CERS3: variants seen among roughly 807,000 people sequenced by gnomAD.
CERS3 encodes ceramide synthase 3, also known as LAG1 homolog, ceramide synthase 3.
CERS3 carries 33 observed loss-of-function variants against 50.3 expected under a neutral mutation model. That is an observed-to-expected ratio of 0.66 (90% confidence interval 0.50 to 0.88). The LOEUF (loss-of-function observed/expected upper bound fraction) is 0.88. Ranked by LOEUF, CERS3 falls within the 40% of genes least tolerant of loss-of-function variation. CERS3 has a pLI of 0.00. For missense variants in CERS3, 470 were observed against 460.3 expected, an observed-to-expected ratio of 1.02 and a Z score of -0.19; for synonymous variants, 176 against 155.2, an observed-to-expected ratio of 1.13 and a Z score of -0.99.
intron 11 of CERS3, among the ~76,000 whole-genome samples, chr15:100,454,806 C>A (rs1304459176): frequency 6.6e-6 from 1 of 152,022 alleles, no homozygotes; most frequent in African/African-American, 2.4e-5. Flanking sequence ...AAAATATTTG[C>A]AAATCCTTCA....
intron 11 of CERS3, among the ~76,000 whole-genome samples, chr15:100,430,730 C>CAG (rs10668274): frequency 0.27 from 41,779 of 152,052 alleles, 5,905 homozygotes; most frequent in East Asian, 0.42. Context: ...TACATTCAGT[C>CAG]AGTTCAATTT....
At chr15:100,465,890 C>T (rs2034698529) in intron 10 of CERS3, among the ~76,000 whole-genome samples, 1 of 152,094 alleles carries the variant, frequency 6.6e-6, no homozygotes, top group Non-Finnish European at 1.5e-5. Context: ...AACTCCTGAC[C>T]TCAGGTGATC....
chr15:100,402,757 T>C lies in CERS3; in HGVS notation c.1108A>G (p.Arg370Gly), dbSNP rs2439928. ...KEMDCLKNGL[R>G]AERHLIPNGQ... is the part of the protein sequence containing the mutation. ...TTGGGAATGAGGTGCCTCTCAGCCC[T>C]GAGGCCGTTCTTTAAACAATCCATC... Residue 370 changes from arginine to glycine, a missense_variant, in exon 12 of 12, where the codon AGG becomes GGG. Physicochemically the swap from Arg to Gly is moderately radical, Grantham distance 125 (BLOSUM62 -2). Coordinates refer to ENST00000679737, the MANE Select transcript of CERS3 (RefSeq NM_001378789.1). The C allele has an allele frequency of 1, 1,610,395 of 1,614,150 alleles. 803,394 individuals are homozygous for C. The highest frequency in any genetic ancestry group is 1 in the Non-Finnish European group (1,179,942 of 1,180,036).
In CERS3 at chr15:100,465,541, G is replaced by A. The variant is rs966668477; in HGVS notation, c.845+3837C>T. 2.0e-5 allele frequency among the ~76,000 whole-genome samples: 3 copies of A among 152,100 alleles called. No individual in the cohort carries two copies. In the South Asian group the frequency reaches 6.2e-4, roughly 32 times the overall value. On this transcript the variant is annotated intron_variant, in intron 10 of 11. Coordinates refer to ENST00000679737, the MANE Select transcript of CERS3 (RefSeq NM_001378789.1). ...CTTCCTTCAGAGACCATTGAAAATT[G>A]ATCTGCCAAACTTCCAATGGCTTGG...
chr15:100,417,455 T>C (rs1184733038), intron 11 of CERS3, among the ~76,000 whole-genome samples: 2 of 151,980 alleles, frequency 1.3e-5, no homozygotes, highest in Non-Finnish European at 2.9e-5. Flanking sequence ...CGCTGATTGC[T>C]AGCACAGCAG....
intron 11 of CERS3, among the ~76,000 whole-genome samples, chr15:100,449,645 A>T (rs910042197): frequency 6.6e-6 from 1 of 152,090 alleles, no homozygotes; most frequent in Non-Finnish European, 1.5e-5. Context: ...GTTTATAGCC[A>T]AAAAAAATCA....
At chr15:100,484,694 G>C (rs536411600) in intron 4 of CERS3, 26 bp from the exon 5 acceptor site, 1 of 1,494,464 alleles carries the variant, frequency 6.7e-7, no homozygotes, top group South Asian at 1.1e-5. Flanking sequence ...ACGCATAAAT[G>C]AGTGATAAAG....
At chr15:100,409,576 TC>T (rs2031317337) in intron 11 of CERS3, among the ~76,000 whole-genome samples, 1 of 152,194 alleles carries the variant, frequency 6.6e-6, no homozygotes, top group East Asian at 1.9e-4. Flanking sequence ...GAACAAGGCA[TC>T]TACGTACTCA....
At chr15:100,457,880 T>C (rs7171529) in intron 10 of CERS3, among the ~76,000 whole-genome samples, 7,560 of 152,332 alleles carry the variant, frequency 0.05, 343 homozygotes, top group African/African-American at 0.12. Flanking sequence ...TGAGATTTTA[T>C]GTTCAATTAC....
At chr15:100,454,201 G>A (rs945422567) in intron 11 of CERS3, among the ~76,000 whole-genome samples, 4 of 152,026 alleles carry the variant, frequency 2.6e-5, no homozygotes, top group Admixed American at 6.6e-5. Context: ...GACCATCCTG[G>A]AAAACATAGA....
intron 4 of CERS3, among the ~76,000 whole-genome samples, chr15:100,485,874 A>G (rs2035469489): frequency 6.6e-6 from 1 of 151,980 alleles, no homozygotes; most frequent in African/African-American, 2.4e-5. Context: ...TAAATAAATA[A>G]ATACATAAAT....
chr15:100,420,349 T>G (rs1269797548), intron 11 of CERS3, among the ~76,000 whole-genome samples: 1 of 152,132 alleles, frequency 6.6e-6, no homozygotes, highest in Non-Finnish European at 1.5e-5. Flanking sequence ...GATAAATTCC[T>G]GGACACATAA....
rs546008809 is a variant in CERS3, at chr15:100,451,441, T to C, written c.999+4452A>G. ...AGACTAGGCCAGGCATGGTGGCTCA[T>C]GCCTGTAATCCCAGCACTTTGGGAG... is the stretch of plus-strand genomic sequence containing the variant. On this transcript the variant is annotated intron_variant, in intron 11 of 11. Transcript: ENST00000679737. Among the ~76,000 whole-genome samples the C allele has an allele frequency of 2.6e-5, 4 of 152,212 alleles. No individual in the cohort carries two copies. In the South Asian group the frequency reaches 8.3e-4, roughly 32 times the overall value.
intron 10 of CERS3, among the ~76,000 whole-genome samples, chr15:100,457,316 T>A (rs1176002621): frequency 6.6e-6 from 1 of 152,226 alleles, no homozygotes; most frequent in Non-Finnish European, 1.5e-5. Flanking sequence ...GCCAAAAAAA[T>A]TCTGTGATGC....
chr15:100,540,859 T>G (rs1207076663), intron 1 of CERS3, among the ~76,000 whole-genome samples: 2 of 152,216 alleles, frequency 1.3e-5, no homozygotes, highest in African/African-American at 2.4e-5. Context: ...GATATCAAAC[T>G]CTGAGCAGAT....
intron 11 of CERS3, among the ~76,000 whole-genome samples, chr15:100,454,733 A>C (rs2034301992): frequency 6.6e-6 from 1 of 152,204 alleles, no homozygotes; most frequent in African/African-American, 2.4e-5. Context: ...TATTAAACTA[A>C]GAAGCTTCTG....
chr15:100,500,493 A>C (rs1399101001), intron 3 of CERS3: 1 of 152,216 alleles, frequency 6.6e-6, no homozygotes, highest in African/African-American at 2.4e-5. Flanking sequence ...TGTCCACCAA[A>C]AAGTAGGAAA....
intron 1 of CERS3, among the ~76,000 whole-genome samples, chr15:100,524,203 A>G (rs1013833490): frequency 6.6e-6 from 1 of 152,236 alleles, no homozygotes; most frequent in African/African-American, 2.4e-5. Context: ...AATGAAATGA[A>G]ATAGAAAACA....
chr15:100,404,418 A>G (rs1387476492), intron 11 of CERS3, among the ~76,000 whole-genome samples: 1 of 152,252 alleles, frequency 6.6e-6, no homozygotes. Flanking sequence ...TAGGATCTGT[A>G]TGTAAAACCT....
Sources: gnomAD v4.1 joint callset for allele counts (sites outside exome capture counted in the v4.1 genomes callset) on GRCh38, gnomAD v4.1.1 for gene constraint, MANE v1.5 for transcripts, NCBI Gene and HGNC (gene_info 2026-07-23, HGNC 2026-07-21) for gene names.